GRID2: variants seen among roughly 807,000 people sequenced by gnomAD.
GRID2 encodes the protein glutamate ionotropic receptor delta type subunit 2.
In GRID2, 33 loss-of-function variants were observed where a neutral mutation model predicts 114.8. The observed-to-expected ratio is 0.29, with a 90% CI of 0.22 to 0.38. The LOEUF (loss-of-function observed/expected upper bound fraction) is 0.38, where lower values mean the gene tolerates loss of function less well. Among genes scored for constraint, GRID2 ranks in the 10% least tolerant of loss-of-function variants. The pLI, the probability that GRID2 is intolerant of heterozygous loss-of-function variation, is 1.00. For synonymous variants in GRID2, 505 were observed against 449.9 expected (o/e 1.12, Z -1.55); for missense variants, 1,184 against 1,257.7 (o/e 0.94, Z 0.89).
chr4:92,419,616 T>G (rs1475681263), intron 1 of GRID2, among the ~76,000 whole-genome samples: 1 of 152,110 alleles, frequency 6.6e-6, no homozygotes, highest in Non-Finnish European at 1.5e-5. Context: ...GGAAGAGATA[T>G]TTCTTTAACT....
In GRID2 at chr4:93,127,155, G is replaced by C. The variant is rs149117913; in HGVS notation, c.735+16202G>C. ...TTTGTCTATCTTAATTAGGTAGATC[G>C]TTTGCATTTTATTTTTTGTTTGCTT... On this transcript the variant is annotated intron_variant, in intron 4 of 15. Transcript: ENST00000282020. 2.2e-3 allele frequency among the ~76,000 whole-genome samples: 330 copies of C among 152,194 alleles called. 3 individuals carry two copies. Among genetic ancestry groups the C allele is most frequent in the African/African-American group, 7.7e-3 (320 of 41,540 alleles).
chr4:92,805,859 T>C (rs1285353086), intron 2 of GRID2, among the ~76,000 whole-genome samples: 3 of 151,732 alleles, frequency 2.0e-5, no homozygotes, highest in East Asian at 2.0e-4. Flanking sequence ...CTATATGTTA[T>C]TTTTTTTGAG....
intron 12 of GRID2, among the ~76,000 whole-genome samples, chr4:93,512,748 T>G (rs1729320723): frequency 6.6e-6 from 1 of 152,194 alleles, no homozygotes. Flanking sequence ...TATTAAGATA[T>G]TCCTCTAAAA....
At chr4:93,011,310 A>C (rs913329046) in intron 2 of GRID2, among the ~76,000 whole-genome samples, 1 of 151,368 alleles carries the variant, frequency 6.6e-6, no homozygotes, top group East Asian at 2.0e-4. Context: ...AACAAGCAGA[A>C]GCTCTCAGAA....
Position 93,011,163 on chromosome 4 carries a change from T to G in GRID2, c.245-73832T>G, listed in dbSNP as rs1722095147. Reference sequence around the variant, plus strand: ...TTTTGTTGTTGTTTCTTGGTTGCTGTTTTTTTTAATTACTTTTGGAAGGAA... The same window carrying G: ...TTTTGTTGTTGTTTCTTGGTTGCTGGTTTTTTTAATTACTTTTGGAAGGAA... On this transcript the variant is annotated intron_variant, in intron 2 of 15. Transcript: ENST00000282020. 2.0e-5 allele frequency among the ~76,000 whole-genome samples: 3 copies of G among 151,746 alleles called. No individual in the cohort carries two copies. In the South Asian group the frequency reaches 6.2e-4, roughly 32 times the overall value.
intron 1 of GRID2, among the ~76,000 whole-genome samples, chr4:93,803,409 A>G (rs1232578634): frequency 6.6e-6 from 1 of 152,168 alleles, no homozygotes; most frequent in Non-Finnish European, 1.5e-5. Context: ...TCATGGTCCA[A>G]GTTTTTTCTC....
intron 2 of GRID2, among the ~76,000 whole-genome samples, chr4:92,687,733 G>A (rs6817962): frequency 0.17 from 26,225 of 151,722 alleles, 2,416 homozygotes; most frequent in East Asian, 0.34. Context: ...GGAGGCTGAG[G>A]CAGAAGAATC....
At chr4:92,863,203 G>T (rs17019950) in intron 2 of GRID2, among the ~76,000 whole-genome samples, 2,920 of 152,102 alleles carry the variant, frequency 0.019, 76 homozygotes, top group African/African-American at 0.067. Context: ...TTGCCAACAT[G>T]TACATTTCTA....
chr4:93,560,056 C>T (rs1734739838), intron 13 of GRID2, among the ~76,000 whole-genome samples: 2 of 151,562 alleles, frequency 1.3e-5, no homozygotes, highest in South Asian at 2.1e-4. Context: ...GGGAGGGGAA[C>T]ATCACACACT....
chr4:93,376,485 C>A (rs1342213630), intron 8 of GRID2, among the ~76,000 whole-genome samples: 2 of 151,488 alleles, frequency 1.3e-5, no homozygotes, highest in South Asian at 2.1e-4. Flanking sequence ...ATTGAAGGAA[C>A]AAATGAAGAT....
intron 12 of GRID2, among the ~76,000 whole-genome samples, chr4:93,494,554 AG>A (rs1312625807): frequency 6.6e-6 from 1 of 151,866 alleles, no homozygotes; most frequent in Admixed American, 6.6e-5. Flanking sequence ...TATTAATAAA[AG>A]TTTTGAAAGG....
chr4:92,424,466 T>A (rs1037049246), intron 1 of GRID2, among the ~76,000 whole-genome samples: 2 of 152,058 alleles, frequency 1.3e-5, no homozygotes, highest in African/African-American at 4.8e-5. Context: ...TCCAAACTTT[T>A]GGGAGTGAGA....
At chr4:92,809,412 T>C (rs765224368) in intron 2 of GRID2, among the ~76,000 whole-genome samples, 22 of 152,122 alleles carry the variant, frequency 1.4e-4, no homozygotes, top group Non-Finnish European at 3.2e-4. Context: ...GACCCAAATG[T>C]CATTTTAGTG....
chr4:92,620,914 C>T (rs568366108), intron 2 of GRID2, among the ~76,000 whole-genome samples: 1 of 146,914 alleles, frequency 6.8e-6, no homozygotes, highest in South Asian at 2.1e-4. Flanking sequence ...GCATATTGTG[C>T]ACATGTACCC....
intron 10 of GRID2, among the ~76,000 whole-genome samples, chr4:93,447,718 A>G (rs1722222479): frequency 6.6e-6 from 1 of 152,096 alleles, no homozygotes; most frequent in Non-Finnish European, 1.5e-5. Flanking sequence ...TAATTTCAGG[A>G]AAGAGTAGGC....
At chr4:92,748,229 A>G (rs564015671) in intron 2 of GRID2, among the ~76,000 whole-genome samples, 1 of 152,350 alleles carries the variant, frequency 6.6e-6, no homozygotes, top group East Asian at 1.9e-4. Flanking sequence ...ATAACAGCTA[A>G]GGTAATTTGT....
At chr4:93,566,978 G>GTGT (rs780325466) in intron 13 of GRID2, among the ~76,000 whole-genome samples, 8 of 152,102 alleles carry the variant, frequency 5.3e-5, no homozygotes, top group Non-Finnish European at 1.0e-4. Context: ...CTGTGCCACT[G>GTGT]TAAGGGGTGG....
intron 1 of GRID2, among the ~76,000 whole-genome samples, chr4:92,377,693 T>C (rs546989328): frequency 1.3e-5 from 2 of 152,080 alleles, no homozygotes; most frequent in Non-Finnish European, 2.9e-5. Context: ...GCCTCACAAT[T>C]ATGGTGGAAG....
At chr4:92,329,725 C>T (rs1726779753) in intron 1 of GRID2, among the ~76,000 whole-genome samples, 1 of 151,750 alleles carries the variant, frequency 6.6e-6, no homozygotes, top group African/African-American at 2.4e-5. Context: ...CAGCTTACCT[C>T]TAAAATGGAA....
Sources: gnomAD v4.1 joint callset for allele counts (sites outside exome capture counted in the v4.1 genomes callset) on GRCh38, gnomAD v4.1.1 for gene constraint, MANE v1.5 for transcripts, NCBI Gene and HGNC (gene_info 2026-07-23, HGNC 2026-07-21) for gene names.